PALLD: variants seen among roughly 807,000 people sequenced by gnomAD.
PALLD encodes the protein palladin, cytoskeletal associated protein, also known as palladin.
A neutral mutation model predicts 123.5 loss-of-function variants in PALLD; 61 were observed. That is an observed-to-expected ratio of 0.49 (90% CI 0.40 to 0.61). PALLD has a LOEUF of 0.61. Among genes scored for constraint, PALLD ranks in the 20% least tolerant of loss-of-function variants. PALLD has a pLI of 0.00. For missense variants in PALLD, 1,273 were observed against 1,377.0 expected (o/e 0.92, Z 1.20); for synonymous variants, 465 against 496.4 (o/e 0.94, Z 0.84).
chr4:168,505,021 G>A (rs1025546603), intron 1 of PALLD: 2 of 152,180 alleles, frequency 1.3e-5, no homozygotes, highest in Non-Finnish European at 2.9e-5. Flanking sequence ...TTGTGATTGT[G>A]TTTCATTCCT....
chr4:168,540,340 G>A (rs905820321), intron 2 of PALLD, among the ~76,000 whole-genome samples: 4 of 152,178 alleles, frequency 2.6e-5, no homozygotes, highest in African/African-American at 9.7e-5. Flanking sequence ...GCATGCGAGT[G>A]GGTGATTCAT....
In PALLD at chr4:168,859,430, G is replaced by A. The variant is rs569156335; in HGVS notation, c.1965-31492G>A. ...TCATCTGTCAATGGGTAGCACCGAC[G>A]GTGCCCCAGACATGCTGACCATGTG... On this transcript the variant is annotated intron_variant, in intron 10 of 21. Transcript: ENST00000505667. Among the ~76,000 whole-genome samples, 13 of 152,312 alleles carry A rather than the reference G, an allele frequency of 8.5e-5. No individual in the cohort carries two copies. In the East Asian group the frequency reaches 2.3e-3, roughly 27 times the overall value.
chr4:168,824,990 A>G (rs1169633684), intron 10 of PALLD, among the ~76,000 whole-genome samples: 1 of 151,616 alleles, frequency 6.6e-6, no homozygotes, highest in Non-Finnish European at 1.5e-5. Flanking sequence ...CCTGGCTTCT[A>G]TTTTTTGTAG....
chr4:168,572,013 A>AGT (rs1370606611), intron 2 of PALLD, among the ~76,000 whole-genome samples: 3 of 152,130 alleles, frequency 2.0e-5, no homozygotes, highest in Non-Finnish European at 4.4e-5. Context: ...AATCTATTGT[A>AGT]GTATGGTGGC....
chr4:168,926,230 T>C lies in PALLD; in HGVS notation c.*50T>C. The C allele has an allele frequency of 6.5e-7, 1 of 1,535,050 alleles. No individual in the cohort carries two copies. The highest frequency in any genetic ancestry group is 1.2e-5 in the South Asian group (1 of 83,756). On this transcript the variant is annotated 3_prime_UTR_variant, in exon 22 of 22. Coordinates refer to ENST00000505667, the MANE Select transcript of PALLD (RefSeq NM_001166108.2). ...CTTTGTAGCCCAGTGGCATCAGCAG[T>C]CACAGAGCACCAAGCCAAAAAAAGT...
chr4:168,613,188 C>T (rs1773900614), intron 2 of PALLD, among the ~76,000 whole-genome samples: 2 of 152,164 alleles, frequency 1.3e-5, no homozygotes, highest in African/African-American at 4.8e-5. Context: ...ACCAACCATC[C>T]TGATTTGCCT....
chr4:168,681,500 C>A, intron 4 of PALLD, 102 bp downstream of exon 4: 1 of 729,652 alleles, frequency 1.4e-6, no homozygotes, highest in South Asian at 1.4e-5. Flanking sequence ...AAAAAGTCAA[C>A]TGATGTTAAT....
Position 168,615,209 on chromosome 4 carries a change from A to T in PALLD, c.909-52981A>T, listed in dbSNP as rs148770288. ...AGCATTACATTAAAAAATTCATACA[A>T]AAGGTACTAAGAATAGAAATCACAT... is the stretch of plus-strand genomic sequence containing the variant. On this transcript the variant is annotated intron_variant, in intron 2 of 21. Transcript: ENST00000505667. Among the ~76,000 whole-genome samples, 79 of 152,312 alleles carry T rather than the reference A, an allele frequency of 5.2e-4. 1 individual carries two copies. In the East Asian group the frequency reaches 0.015, roughly 29 times the overall value.
intron 2 of PALLD, among the ~76,000 whole-genome samples, chr4:168,520,846 GAAGT>G (rs1448068805): frequency 6.6e-6 from 1 of 152,168 alleles, no homozygotes; most frequent in Non-Finnish European, 1.5e-5. Context: ...AGTGAACCAA[GAAGT>G]AAGGCTGATA....
chr4:168,802,309 A>G (rs2150687049), intron 10 of PALLD, among the ~76,000 whole-genome samples: 1 of 152,366 alleles, frequency 6.6e-6, no homozygotes, highest in African/African-American at 2.4e-5. Context: ...TGGCTCACTC[A>G]GAGGTACAAA....
chr4:168,595,945 G>GAA (rs530008801), intron 2 of PALLD, among the ~76,000 whole-genome samples: 11 of 114,414 alleles, frequency 9.6e-5, no homozygotes, highest in African/African-American at 9.3e-5. Context: ...AATTGAAAAG[G>GAA]AAAAAAAAAA....
intron 2 of PALLD, among the ~76,000 whole-genome samples, chr4:168,625,255 C>T (rs1315182640): frequency 6.6e-6 from 1 of 151,686 alleles, no homozygotes; most frequent in Non-Finnish European, 1.5e-5. Flanking sequence ...CAGAAATAGA[C>T]TCAGCTATAC....
chr4:168,907,494 G>GGCTTGGGTGGAGGAGCTGTGA (rs1758047228), intron 15 of PALLD, among the ~76,000 whole-genome samples: 1 of 152,144 alleles, frequency 6.6e-6, no homozygotes, highest in East Asian at 1.9e-4. Flanking sequence ...CACAGCTGTG[G>GGCTTGGGTGGAGGAGCTGTGA]GCTTGGGTGG....
chr4:168,824,507 C>A (rs570391252), intron 10 of PALLD, among the ~76,000 whole-genome samples: 1 of 152,218 alleles, frequency 6.6e-6, no homozygotes, highest in South Asian at 2.1e-4. Flanking sequence ...TTTGATAAAT[C>A]TTATAAATTG....
At chr4:168,773,368 T>G (rs1734716122) in intron 10 of PALLD, among the ~76,000 whole-genome samples, 1 of 152,192 alleles carries the variant, frequency 6.6e-6, no homozygotes, top group African/African-American at 2.4e-5. Flanking sequence ...GCCCTAGAAA[T>G]AGTCTGGACT....
chr4:168,814,064 A>G (rs1741567765), intron 10 of PALLD, among the ~76,000 whole-genome samples: 1 of 152,188 alleles, frequency 6.6e-6, no homozygotes. Flanking sequence ...CAACAACAAA[A>G]AAATGTATTA....
chr4:168,918,327 T>TATATATAA (rs1317668725), intron 17 of PALLD, among the ~76,000 whole-genome samples: 2 of 150,206 alleles, frequency 1.3e-5, no homozygotes, highest in Non-Finnish European at 3.0e-5. Flanking sequence ...AAATATGAGA[T>TATATATAA]ATATATATAT....
chr4:168,803,116 G>C (rs188179642), intron 10 of PALLD, among the ~76,000 whole-genome samples: 227 of 152,288 alleles, frequency 1.5e-3, no homozygotes, highest in African/African-American at 4.9e-3. Context: ...CTGCTATAAA[G>C]AACTACCTGA....
chr4:168,563,968 T>C (rs2149585338), intron 2 of PALLD, among the ~76,000 whole-genome samples: 1 of 152,300 alleles, frequency 6.6e-6, no homozygotes, highest in Admixed American at 6.5e-5. Flanking sequence ...ACTCAGATAA[T>C]ACACCTCGTA....
Sources: gnomAD v4.1 joint callset for allele counts (sites outside exome capture counted in the v4.1 genomes callset) on GRCh38, gnomAD v4.1.1 for gene constraint, MANE v1.5 for transcripts, NCBI Gene and HGNC (gene_info 2026-07-23, HGNC 2026-07-21) for gene names.